PTGFRN: variants seen among roughly 807,000 people sequenced by gnomAD.
The protein encoded by PTGFRN is prostaglandin F2 receptor negative regulator.
A neutral mutation model predicts 83.2 loss-of-function variants in PTGFRN; 35 were observed. The observed-to-expected ratio is 0.42, with a 90% confidence interval of 0.32 to 0.56. The LOEUF (loss-of-function observed/expected upper bound fraction) is 0.56. Ranked by LOEUF, PTGFRN falls within the 20% of genes least tolerant of loss-of-function variation. PTGFRN has a pLI of 0.11. For missense variants in PTGFRN, 1,051 were observed against 1,179.5 expected, an observed-to-expected ratio of 0.89 and a Z score of 1.60; for synonymous variants, 519 against 498.6, an observed-to-expected ratio of 1.04 and a Z score of -0.55.
chr1:116,931,775 A>G (rs10801915), intron 1 of PTGFRN, among the ~76,000 whole-genome samples: 109,022 of 151,962 alleles, frequency 0.72, 40,402 homozygotes, highest in South Asian at 0.83. Context: ...AAGGTTTTAT[A>G]AGTTTGACTT....
intron 7 of PTGFRN, among the ~76,000 whole-genome samples, chr1:116,980,950 A>G (rs1651301442): frequency 1.3e-5 from 2 of 152,252 alleles, no homozygotes; most frequent in Admixed American, 6.5e-5. Flanking sequence ...TATCACAGCA[A>G]TTAATGCTAT....
At position 116,949,504 on chromosome 1, in the gene PTGFRN, A is replaced by G. The variant is rs927854985; in HGVS notation, c.1145A>G (p.His382Arg). 2.5e-6 allele frequency: 4 copies of G among 1,614,210 alleles called. No homozygotes were observed. The highest frequency in any genetic ancestry group is 2.7e-5 in the African/African-American group (2 of 75,076). ...YCHVSLWAPGHNRSWHKVAEA... is the reference protein window; with the variant it reads ...YCHVSLWAPGRNRSWHKVAEA... ...CACGTGTCCCTGTGGGCACCCGGAC[A>G]CAACAGGAGCTGGCACAAAGTGGCA... The change falls in exon 4 of 9, where the codon CAC becomes CGC. Residue 382 changes from histidine (H) to arginine (R), a missense_variant. Around this residue, in one of 3 missense-constraint regions of PTGFRN, gnomAD observed 719 missense variants for 836.6 expected, o/e 0.86. Transcript: ENST00000393203.
At chr1:116,972,096 C>A (rs1008218319) in intron 6 of PTGFRN, among the ~76,000 whole-genome samples, 1 of 152,232 alleles carries the variant, frequency 6.6e-6, no homozygotes, top group Non-Finnish European at 1.5e-5. Context: ...CACACAGAGC[C>A]AACTCCAGGC....
chr1:116,924,246 C>T (rs552016658), intron 1 of PTGFRN, among the ~76,000 whole-genome samples: 1 of 149,086 alleles, frequency 6.7e-6, no homozygotes, highest in East Asian at 2.0e-4. Context: ...CTCCCAGGTT[C>T]AAGCAGTTCT....
At chr1:116,974,105 G>A (rs957011328) in intron 6 of PTGFRN, 111 bp from the exon 7 acceptor site, 61 of 791,304 alleles carry the variant, frequency 7.7e-5, no homozygotes, top group Non-Finnish European at 1.1e-4. Flanking sequence ...TGAGTTTCTA[G>A]ACCAGTTCCC....
At position 116,910,255 on chromosome 1, in the gene PTGFRN, G is replaced by A; in HGVS notation, c.49+3G>A. The A allele has an allele frequency of 6.9e-7, 1 of 1,442,102 alleles. No individual in the cohort carries two copies. The highest frequency in any genetic ancestry group is 2.8e-5 in the East Asian group (1 of 36,204). The allele number at this position is 1,442,102 out of a possible 1,614,324, so 89.3% of individuals were successfully genotyped here. A position where few individuals can be genotyped will look rare whatever the true frequency, so the allele number is the denominator to read the frequency against. ...GCTGCTGGCGCTCCTGTCGTTGGGT[G>A]AGTGTGCGCGGGGCTCAGCGGGGCA... On this transcript the variant is annotated splice_donor_region_variant and intron_variant, in intron 1 of 8. Coordinates refer to ENST00000393203, the MANE Select transcript of PTGFRN (RefSeq NM_020440.4).
At chr1:116,917,823 A>G (rs1024705519) in intron 1 of PTGFRN, among the ~76,000 whole-genome samples, 10 of 151,926 alleles carry the variant, frequency 6.6e-5, no homozygotes, top group East Asian at 3.9e-4. Flanking sequence ...GGGTCTTGCT[A>G]TGTTTCTCGG....
chr1:116,955,434 A>G (rs1650462519), intron 4 of PTGFRN, among the ~76,000 whole-genome samples: 2 of 152,218 alleles, frequency 1.3e-5, no homozygotes, highest in African/African-American at 4.8e-5. Flanking sequence ...ATCTTATTTT[A>G]TCTCTCTTCC....
At chr1:116,946,133 C>T (rs574920614) in intron 3 of PTGFRN, among the ~76,000 whole-genome samples, 41 of 152,310 alleles carry the variant, frequency 2.7e-4, no homozygotes, top group African/African-American at 9.4e-4. Context: ...TTGTTGCACT[C>T]ATTTCCTGAG....
chr1:116,945,512 C>T (rs1375469222), intron 3 of PTGFRN, among the ~76,000 whole-genome samples: 3 of 152,118 alleles, frequency 2.0e-5, no homozygotes, highest in South Asian at 2.1e-4. Flanking sequence ...AGTCCTTTGA[C>T]GTGCCTTTCT....
At chr1:116,957,121 C>T (rs997213969) in intron 4 of PTGFRN, among the ~76,000 whole-genome samples, 5 of 150,768 alleles carry the variant, frequency 3.3e-5, no homozygotes, top group Non-Finnish European at 7.4e-5. Flanking sequence ...CTCTCTCTCT[C>T]TCTCTTTCTC....
chr1:116,945,979 G>A (rs1650192450), intron 3 of PTGFRN, among the ~76,000 whole-genome samples: 1 of 152,120 alleles, frequency 6.6e-6, no homozygotes, highest in African/African-American at 2.4e-5. Context: ...CACAGAGACA[G>A]TGTAAAGAGA....
chr1:116,910,626 G>C (rs2101047055), intron 1 of PTGFRN, among the ~76,000 whole-genome samples: 1 of 152,144 alleles, frequency 6.6e-6, no homozygotes, highest in South Asian at 2.1e-4. Context: ...TCCCGGCCCG[G>C]GTCCTCGGCT....
In PTGFRN at chr1:116,974,240, A is replaced by G. The variant is rs759408038; in HGVS notation, c.2084A>G (p.His695Arg). 3.7e-6 allele frequency: 6 copies of G among 1,611,586 alleles called. No homozygotes were observed. The Admixed American group carries it at 8.3e-5, about 22-fold the overall frequency. Residue 695 changes from histidine to arginine, a missense_variant, in exon 7 of 9, where the codon CAT becomes CGT. Transcript: ENST00000393203. ...GGTCCTATATTTAATGCTTCTGTGC[A>G]TTCAGACACACCATCAGTAATTCGG... ...TSGPIFNASV[H>R]SDTPSVIRGD...
chr1:116,928,500 G>T (rs1649711358), intron 1 of PTGFRN, among the ~76,000 whole-genome samples: 1 of 152,184 alleles, frequency 6.6e-6, no homozygotes. Context: ...TTCTTTGCCA[G>T]ACCTCACATT....
Position 116,941,751 on chromosome 1 carries a change from C to T in PTGFRN, c.86C>T (p.Ala29Val), listed in dbSNP as rs143995351. The change falls in exon 2 of 9, where the codon GCG becomes GTG. Residue 29 changes from alanine (A) to valine (V), a missense_variant. Coordinates refer to ENST00000393203, the MANE Select transcript of PTGFRN (RefSeq NM_020440.4). The surrounding 1 kb of genome is among the most constrained non-coding windows in gnomAD (Gnocchi z 5.0). ...CRGRVVRVPT[A>V]TLVRVVGTEL... is the part of the protein sequence containing the mutation. ...GGGCGTGTGGTGAGAGTCCCCACAG[C>T]GACCCTGGTTCGAGTGGTGGGCACT... 3.8e-5 allele frequency: 61 copies of T among 1,613,920 alleles called. No individual in the cohort carries two copies. In the Middle Eastern group the frequency reaches 1.7e-3, roughly 44 times the overall value.
chr1:116,949,790 TA>T (rs1206738410), intron 4 of PTGFRN, among the ~76,000 whole-genome samples: 1 of 152,218 alleles, frequency 6.6e-6, no homozygotes, highest in Non-Finnish European at 1.5e-5. Context: ...GTTGTCTCAA[TA>T]CCCTCATTTG....
chr1:116,948,871 C>G (rs1650263567), intron 3 of PTGFRN, among the ~76,000 whole-genome samples: 2 of 152,214 alleles, frequency 1.3e-5, no homozygotes, highest in Admixed American at 1.3e-4. Flanking sequence ...CTCTGTGCTT[C>G]AATTTCCTCA....
chr1:116,914,850 T>C (rs923365514), intron 1 of PTGFRN, among the ~76,000 whole-genome samples: 1 of 145,052 alleles, frequency 6.9e-6, no homozygotes, highest in Non-Finnish European at 1.6e-5. Context: ...GTATTTTGTT[T>C]TTTTTTCCTC....
Sources: allele counts gnomAD v4.1 joint callset (sites outside exome capture counted in the v4.1 genomes callset), GRCh38; gene constraint gnomAD v4.1.1; regional missense constraint gnomAD v4.1.1; non-coding constraint Gnocchi (gnomAD v3.1); transcripts MANE v1.5; gene names NCBI Gene and HGNC (gene_info 2026-07-23, HGNC 2026-07-21).